Variants in SRC observed in about 807,000 individuals in gnomAD.
SRC encodes SRC proto-oncogene, non-receptor tyrosine kinase, also known as proto-oncogene tyrosine-protein kinase Src.
In SRC, 13 loss-of-function variants were observed where a neutral mutation model predicts 62.9. That is an observed-to-expected ratio of 0.21 (90% CI 0.13 to 0.33). The LOEUF is 0.33. Among genes scored for constraint, SRC ranks in the 10% least tolerant of loss-of-function variants. The probability of loss-of-function intolerance (pLI) is 1.00; values close to 1 mark genes in which losing one functional copy is unlikely to be tolerated. For missense variants in SRC, 457 were observed against 737.3 expected (o/e 0.62, Z 4.40); for synonymous variants, 302 against 317.5 (o/e 0.95, Z 0.52).
intron 7 of SRC, among the ~76,000 whole-genome samples, chr20:37,394,876 C>T (rs1284140682): frequency 6.6e-6 from 1 of 152,160 alleles, no homozygotes; most frequent in African/African-American, 2.4e-5. Context: ...AGCAGTCGTG[C>T]AGCCATGTGC....
intron 2 of SRC, among the ~76,000 whole-genome samples, chr20:37,366,637 C>G (rs1043522911): frequency 6.6e-6 from 1 of 152,190 alleles, no homozygotes; most frequent in Non-Finnish European, 1.5e-5. Context: ...CAAGTGTGCT[C>G]TTTTGTGGCT....
intron 6 of SRC, 79 bp downstream of exon 6, chr20:37,394,072 G>A (rs893119675): frequency 1.3e-6 from 2 of 1,563,112 alleles, no homozygotes; most frequent in African/African-American, 1.4e-5. Flanking sequence ...GGCTGGGGTG[G>A]GAGGTCTGGC....
At chr20:37,359,572 T>G (rs1444465495) in intron 1 of SRC, among the ~76,000 whole-genome samples, 1 of 150,980 alleles carries the variant, frequency 6.6e-6, no homozygotes. Flanking sequence ...GAACAGCCAG[T>G]GGGGAGACCC....
At position 37,351,483 on chromosome 20, in the gene SRC, G is replaced by T. The variant is rs973918568; in HGVS notation, c.-247+5228G>T. Among the ~76,000 whole-genome samples, 1 of 152,152 alleles carries T rather than the reference G, an allele frequency of 6.6e-6. No homozygotes were observed. The highest frequency in any genetic ancestry group is 2.4e-5 in the African/African-American group (1 of 41,444). Reference sequence around the variant, plus strand: ...ACCCACTGAGAAACTTTAGGAACGGGTTCTTTTGAACCCTTGGACCTGCTG... The same window carrying T: ...ACCCACTGAGAAACTTTAGGAACGGTTTCTTTTGAACCCTTGGACCTGCTG... On this transcript the variant is annotated intron_variant, in intron 1 of 13. Coordinates refer to ENST00000373578, the MANE Select transcript of SRC (RefSeq NM_198291.3). This position sits in a 1 kb window ranked among gnomAD's most constrained non-coding sequence, Gnocchi z 4.4.
rs77270314 is a variant in SRC at position 37,357,085 on chromosome 20, G to C, written c.-246-8119G>C. ...CGGGGACTGAGACTTGCTGGGCTGTGGGGGGCGGCTTCCGGTCTACCCTGG... is the reference window on the plus strand; with the variant it reads ...CGGGGACTGAGACTTGCTGGGCTGTCGGGGGCGGCTTCCGGTCTACCCTGG... On this transcript the variant is annotated intron_variant, in intron 1 of 13. Transcript: ENST00000373578. 4.7e-3 allele frequency among the ~76,000 whole-genome samples: 715 copies of C among 152,300 alleles called. 37 individuals carry two copies. In the East Asian group the frequency reaches 0.12, roughly 25 times the overall value.
At chr20:37,345,763 A>G (rs2069706723), upstream of SRC, among the ~76,000 whole-genome samples, 1 of 144,884 alleles carries the variant, frequency 6.9e-6, no homozygotes, top group Non-Finnish European at 1.5e-5. Flanking sequence ...GCCCGCTGAT[A>G]TTATTACCAA....
intron 5 of SRC, among the ~76,000 whole-genome samples, chr20:37,390,166 G>T (rs1447917603): frequency 6.6e-6 from 1 of 152,160 alleles, no homozygotes. Flanking sequence ...GGGAGATTCT[G>T]TGAATGTTGT....
chr20:37,356,716 G>A (rs1344427277), intron 1 of SRC, among the ~76,000 whole-genome samples: 2 of 152,196 alleles, frequency 1.3e-5, no homozygotes, highest in African/African-American at 4.8e-5. Context: ...CCTCACCAGG[G>A]CAAAGCTCCC....
chr20:37,363,914 G>T (rs1255593434), intron 1 of SRC, among the ~76,000 whole-genome samples: 1 of 152,114 alleles, frequency 6.6e-6, no homozygotes, highest in African/African-American at 2.4e-5. Flanking sequence ...TGAGCGTGGT[G>T]CATGGCAGGT....
chr20:37,382,397 C>G (rs1417605144), intron 2 of SRC, among the ~76,000 whole-genome samples: 1 of 152,168 alleles, frequency 6.6e-6, no homozygotes. Context: ...CCAGAGCCCA[C>G]TCTCACCACC....
rs60248774 is a variant in SRC at position 37,384,672 on chromosome 20, GA to G, written c.250+271del. On this transcript the variant is annotated intron_variant, in intron 4 of 13. Coordinates refer to ENST00000373578, the MANE Select transcript of SRC (RefSeq NM_198291.3). This position sits in a 1 kb window ranked among gnomAD's most constrained non-coding sequence, Gnocchi z 6.7. ...CTAATTGGACGCTTAAGCCCAAGAA[GA>G]AGAAGGGCGGCGCGGGACCGGGCCT... is the stretch of plus-strand genomic sequence containing the variant. Among the ~76,000 whole-genome samples, 1 of 876 alleles carries G rather than the reference GA, an allele frequency of 1.1e-3. No homozygotes were observed. Among genetic ancestry groups the G allele is most frequent in the Non-Finnish European group, 2.9e-3 (1 of 344 alleles). 0.6% of individuals were successfully genotyped at this position (876 alleles called of 152,430 possible).
At chr20:37,401,826 C>T in intron 11 of SRC, 148 bp downstream of exon 11, 1 of 570,608 alleles carries the variant, frequency 1.8e-6, no homozygotes, top group Non-Finnish European at 3.0e-6. Flanking sequence ...CACGTATTTA[C>T]CAGGTCTGCT....
intron 2 of SRC, among the ~76,000 whole-genome samples, chr20:37,367,843 CTA>C (rs2070088520): frequency 6.6e-6 from 1 of 152,058 alleles, no homozygotes; most frequent in Non-Finnish European, 1.5e-5. Flanking sequence ...AGGGGTCTCA[CTA>C]TGTTTCCCAG....
At chr20:37,371,995 C>G (rs1329305515) in intron 2 of SRC, among the ~76,000 whole-genome samples, 1 of 152,084 alleles carries the variant, frequency 6.6e-6, no homozygotes, top group Non-Finnish European at 1.5e-5. Flanking sequence ...GCCACTACAC[C>G]TGGCCTATTT....
In SRC at chr20:37,403,057, A is replaced by G. The variant is rs2070766796; in HGVS notation, c.1403-114A>G. 8 of 1,308,850 alleles carry G rather than the reference A, an allele frequency of 6.1e-6. No individual in the cohort carries two copies. The highest frequency in any genetic ancestry group is 1.5e-5 in the African/African-American group (1 of 67,290). 81.1% of individuals were successfully genotyped at this position (1,308,850 alleles called of 1,614,324 possible). A position where few individuals can be genotyped will look rare whatever the true frequency, so the allele number is the denominator to read the frequency against. Reference sequence around the variant, plus strand: ...TCAGCTTCGGGGACAGGACTTATCTATGGTCACTCCCAACCTGTCCTAGGC... The same window carrying G: ...TCAGCTTCGGGGACAGGACTTATCTGTGGTCACTCCCAACCTGTCCTAGGC... On this transcript the variant is annotated intron_variant, in intron 13 of 13. Transcript: ENST00000373578. The surrounding 1 kb of genome is among the most constrained non-coding windows in gnomAD (Gnocchi z 7.1).
Position 37,384,092 on chromosome 20 carries a change from C to A in SRC, c.-4-58C>A. 1 of 1,580,982 alleles carries A rather than the reference C, an allele frequency of 6.3e-7. No homozygotes were observed. Among genetic ancestry groups the A allele is most frequent in the Non-Finnish European group, 8.5e-7 (1 of 1,169,608 alleles). Reference sequence around the variant, plus strand: ...ATCTGTGGAATGGGTGGGAGGGAGGCCGGCCAAGGGGCCCCGGCAGCCCTG... The same window carrying A: ...ATCTGTGGAATGGGTGGGAGGGAGGACGGCCAAGGGGCCCCGGCAGCCCTG... On this transcript the variant is annotated intron_variant, in intron 3 of 13. Transcript: ENST00000373578. This position sits in a 1 kb window ranked among gnomAD's most constrained non-coding sequence, Gnocchi z 6.7.
chr20:37,368,518 CTTTTTT>C (rs1352624429), intron 2 of SRC, among the ~76,000 whole-genome samples: 4 of 73,898 alleles, frequency 5.4e-5, no homozygotes, highest in African/African-American at 1.3e-4. Context: ...CCTATATTTT[CTTTTTT>C]TTTTTTTTTT....
chr20:37,384,550 T>TGGGGGGGGGGGGGGGG lies in SRC; in HGVS notation c.250+154_250+155insGGGGGGGGGGGGGGGG. The TGGGGGGGGGGGGGGGG allele has an allele frequency of 6.1e-6, 1 of 162,732 alleles. No homozygotes were observed. Among genetic ancestry groups the TGGGGGGGGGGGGGGGG allele is most frequent in the Non-Finnish European group, 8.9e-6 (1 of 111,882 alleles). 10.1% of individuals were successfully genotyped at this position (162,732 alleles called of 1,614,324 possible). On this transcript the variant is annotated intron_variant, in intron 4 of 13. Coordinates refer to ENST00000373578, the MANE Select transcript of SRC (RefSeq NM_198291.3). The surrounding 1 kb of genome is among the most constrained non-coding windows in gnomAD (Gnocchi z 6.7). Reference sequence around the variant, plus strand: ...CTGGGTGACTTGGGTGTCCGGGGGGTGGGGGGGCGGCCGTACACACTGTGA... The same window carrying TGGGGGGGGGGGGGGGG: ...CTGGGTGACTTGGGTGTCCGGGGGGTGGGGGGGGGGGGGGGGGGGGGGGCGGCCGTACACACTGTGA...
chr20:37,380,301 T>G (rs958692105), intron 2 of SRC, among the ~76,000 whole-genome samples: 1 of 152,146 alleles, frequency 6.6e-6, no homozygotes, highest in African/African-American at 2.4e-5. Context: ...GCCTGTGAGT[T>G]TCAGCCCCTG....
Sources: gnomAD v4.1 joint callset for allele counts (sites outside exome capture counted in the v4.1 genomes callset) on GRCh38, gnomAD v4.1.1 for gene constraint, Gnocchi (gnomAD v3.1) non-coding constraint, MANE v1.5 for transcripts, NCBI Gene and HGNC (gene_info 2026-07-23, HGNC 2026-07-21) for gene names.